NRAP: variants seen among roughly 807,000 people sequenced by gnomAD.
The protein encoded by NRAP is nebulin-related-anchoring protein.
Under a neutral mutation model 225.9 loss-of-function variants are expected in NRAP, and 189 were observed. The ratio of observed to expected loss-of-function variants is 0.84; its 90% CI spans 0.74 to 0.94. The LOEUF (loss-of-function observed/expected upper bound fraction) is 0.94. Ranked by LOEUF, NRAP falls within the 40% of genes least tolerant of loss-of-function variation. The pLI is 0.00. For synonymous variants in NRAP, 769 were observed against 790.7 expected, an observed-to-expected ratio of 0.97 and a Z score of 0.46; for missense variants, 2,176 against 2,168.7, an observed-to-expected ratio of 1.00 and a Z score of -0.07.
chr10:113,621,406 AAG>A (rs1234976178), intron 24 of NRAP, among the ~76,000 whole-genome samples: 2 of 151,946 alleles, frequency 1.3e-5, no homozygotes, highest in African/African-American at 4.8e-5. Flanking sequence ...ATTCTTGTGC[AAG>A]AGTTACCTGA....
At chr10:113,655,454 T>TC (rs60448877) in intron 4 of NRAP, among the ~76,000 whole-genome samples, 2,191 of 87,472 alleles carry the variant, frequency 0.025, 64 homozygotes, top group African/African-American at 0.11. Context: ...GTACATCCAT[T>TC]TTTTTTTTTT....
intron 5 of NRAP, among the ~76,000 whole-genome samples, chr10:113,653,365 C>T (rs1482974744): frequency 2.0e-5 from 3 of 152,206 alleles, no homozygotes; most frequent in Admixed American, 6.5e-5. Context: ...TTTCCTGTAA[C>T]TCGTCTGCTA....
At chr10:113,597,394 T>C (rs903991312) in intron 36 of NRAP, among the ~76,000 whole-genome samples, 4 of 152,154 alleles carry the variant, frequency 2.6e-5, no homozygotes, top group Admixed American at 6.5e-5. Flanking sequence ...ATTTACTCTC[T>C]TGAAGAGAGA....
chr10:113,613,312 C>T (rs909411218), intron 29 of NRAP, among the ~76,000 whole-genome samples: 7 of 152,036 alleles, frequency 4.6e-5, no homozygotes, highest in East Asian at 3.9e-4. Context: ...GCAGAGAACA[C>T]GTGAAGCTGT....
At chr10:113,600,105 AC>A (rs1171174391) in intron 35 of NRAP, among the ~76,000 whole-genome samples, 3 of 151,380 alleles carry the variant, frequency 2.0e-5, no homozygotes, top group African/African-American at 7.3e-5. Flanking sequence ...TTTGTTTTAG[AC>A]CCATTATTTC....
At chr10:113,602,172 C>T (rs1018216117) in intron 35 of NRAP, among the ~76,000 whole-genome samples, 2 of 152,192 alleles carry the variant, frequency 1.3e-5, no homozygotes, top group African/African-American at 2.4e-5. Context: ...GCCACCACAC[C>T]CGGCCCCTTT....
At position 113,642,967 on chromosome 10, in the gene NRAP, C is replaced by T. The variant is rs761354458; in HGVS notation, c.1182G>A (p.Arg394=). 6.2e-7 allele frequency: 1 copy of T among 1,606,388 alleles called. No individual in the cohort carries two copies. The highest frequency in any genetic ancestry group is 1.7e-5 in the Admixed American group (1 of 60,010). The part of the protein sequence containing the change: ...SINYCETPQF[R]NVSKISKFTS... ...TAAATTTTGAGATCTTGCTCACGTT[C>T]CTGAATTGAGGTGTTTCACAGTAGT... is the stretch of plus-strand genomic sequence containing the variant. Residue 394 remains arginine (R), a synonymous_variant, in exon 12 of 42, where the codon AGG becomes AGA. Coordinates refer to ENST00000359988, the MANE Select transcript of NRAP (RefSeq NM_198060.4).
chr10:113,646,018 T>G (rs931685455), intron 10 of NRAP, 77 bp from the exon 11 acceptor site: 32 of 714,498 alleles, frequency 4.5e-5, no homozygotes, highest in Non-Finnish European at 3.0e-5. Flanking sequence ...AAAGTTATCC[T>G]GGGCTTAATG....
intron 20 of NRAP, 39 bp from the exon 21 acceptor site, chr10:113,626,184 G>A: frequency 2.1e-6 from 3 of 1,450,626 alleles, no homozygotes; most frequent in Non-Finnish European, 2.8e-6. Context: ...CATTAGGATT[G>A]GGTTGCCCCT....
intron 3 of NRAP, among the ~76,000 whole-genome samples, chr10:113,658,525 C>G (rs1208254175): frequency 1.3e-5 from 2 of 152,096 alleles, no homozygotes; most frequent in African/African-American, 2.4e-5. Context: ...GAAAAAACAT[C>G]AGAAGGTCTT....
Position 113,626,127 on chromosome 10 carries a change from C to A in NRAP, c.2164G>T (p.Val722Phe). Reference protein sequence around the residue: ...LVSEKNYRQRVDELKFTSVTD... With the variant: ...LVSEKNYRQRFDELKFTSVTD... The stretch of plus-strand genomic sequence containing the variant: ...ACGCTGGTGAACTTCAGCTCATCGA[C>A]CCTCTGCCGGTAGTTTTTCTGTTTC... The change falls in exon 21 of 42, where the codon GTC (valine) becomes TTC (phenylalanine). Residue 722 changes from valine to phenylalanine, a missense_variant. Transcript: ENST00000359988. 1 of 1,608,662 alleles carries A rather than the reference C, an allele frequency of 6.2e-7. No individual in the cohort carries two copies. Among genetic ancestry groups the A allele is most frequent in the Non-Finnish European group, 8.5e-7 (1 of 1,177,676 alleles).
rs1849853111 is a variant in NRAP, at chr10:113,650,149, A to T, written c.784-8T>A. 6.4e-7 allele frequency: 1 copy of T among 1,566,746 alleles called. No homozygotes were observed. Among genetic ancestry groups the T allele is most frequent in the African/African-American group, 1.3e-5 (1 of 74,126 alleles). ...TTGTTGATGGTACCTCACCTGTTTT[A>T]AGGCAAAGGACAAACTCGGTGAATT... On this transcript the variant is annotated splice_region_variant and splice_polypyrimidine_tract_variant and intron_variant, in intron 8 of 41. Transcript: ENST00000359988.
At chr10:113,594,085 C>T (rs550983583) in intron 38 of NRAP, among the ~76,000 whole-genome samples, 51 of 152,272 alleles carry the variant, frequency 3.3e-4, no homozygotes, top group African/African-American at 1.0e-3. Context: ...ATTCCGTAGG[C>T]GCTTTGATTT....
At chr10:113,638,952 G>C (rs1013403997) in intron 14 of NRAP, among the ~76,000 whole-genome samples, 1 of 152,278 alleles carries the variant, frequency 6.6e-6, no homozygotes, top group East Asian at 1.9e-4. Context: ...GTAGTAGCAA[G>C]TCATGTCATA....
chr10:113,591,698 C>T (rs1846004224), intron 39 of NRAP, among the ~76,000 whole-genome samples: 1 of 152,154 alleles, frequency 6.6e-6, no homozygotes, highest in South Asian at 2.1e-4. Flanking sequence ...GTTTTCATTC[C>T]TACATTAATC....
In NRAP at chr10:113,612,391, A is replaced by C; in HGVS notation, c.3341T>G (p.Phe1114Cys). The change falls in exon 30 of 42, where the codon TTC (phenylalanine) becomes TGC (cysteine). Residue 1114 changes from phenylalanine (F) to cysteine (C), a missense_variant. Phe to Cys is a radical substitution (Grantham distance 205, BLOSUM62 -2). This residue lies in a region of NRAP where 1,708 missense variants were observed against 1,695.5 expected (regional missense o/e 1.01). Coordinates refer to ENST00000359988, the MANE Select transcript of NRAP (RefSeq NM_198060.4). ...GGCGGCCATGTCCAACGGCAGATGGAACTGCGCCTTTGAGTGTTCAAAGCC... is the reference window on the plus strand; with the variant it reads ...GGCGGCCATGTCCAACGGCAGATGGCACTGCGCCTTTGAGTGTTCAAAGCC... Reference protein sequence around the residue: ...KKGFEHSKAQFHLPLDMAALV... With the variant: ...KKGFEHSKAQCHLPLDMAALV... 1 of 1,614,138 alleles carries C rather than the reference A, an allele frequency of 6.2e-7. No homozygotes were observed.
At chr10:113,598,223 C>G in intron 35 of NRAP, 150 bp from the exon 36 acceptor site, 2 of 659,046 alleles carry the variant, frequency 3.0e-6, no homozygotes, top group East Asian at 5.5e-5. Context: ...TGCATGTCGT[C>G]AAGTCAAACT....
In NRAP at chr10:113,650,447, C is replaced by A. The variant is rs1849875707; in HGVS notation, c.774G>T (p.Leu258=). 4 of 1,611,350 alleles carry A rather than the reference C, an allele frequency of 2.5e-6. No homozygotes were observed. The highest frequency in any genetic ancestry group is 3.4e-6 in the Non-Finnish European group (4 of 1,177,532). ...AYQIAKRANE[L]ASDVRYHQQY... is the part of the protein sequence containing the mutation. ...TGTCAAGGACACTTACATCACTTGC[C>A]AGCTCATTGGCTCTTTTGGCTATCT... Residue 258 remains leucine (L), a synonymous_variant, in exon 8 of 42, where the codon CTG becomes CTT. Coordinates refer to ENST00000359988, the MANE Select transcript of NRAP (RefSeq NM_198060.4).
chr10:113,654,148 G>C lies in NRAP; in HGVS notation c.361-23C>G, dbSNP rs772755034. On this transcript the variant is annotated intron_variant, in intron 4 of 41. Transcript: ENST00000359988. ...TCTCTACAAAGGAAGCACATGAAGG[G>C]ATACAAACACATGCCCCAGACTCCC... 4.3e-6 allele frequency: 6 copies of C among 1,381,132 alleles called. No individual in the cohort carries two copies. In the East Asian group the frequency reaches 1.1e-4, roughly 26 times the overall value. 85.6% of individuals were successfully genotyped at this position (1,381,132 alleles called of 1,614,324 possible). A position where few individuals can be genotyped will look rare whatever the true frequency, so the allele number is the denominator to read the frequency against.
Sources: gnomAD v4.1 joint callset for allele counts (sites outside exome capture counted in the v4.1 genomes callset) on GRCh38, gnomAD v4.1.1 for gene constraint, gnomAD v4.1.1 regional missense constraint, MANE v1.5 for transcripts, NCBI Gene and HGNC (gene_info 2026-07-23, HGNC 2026-07-21) for gene names.